The following LMNTD2 variants were observed in gnomAD, a reference collection of about 807,000 sequenced individuals.
The protein encoded by LMNTD2 is lamin tail domain-containing protein 2.
In LMNTD2, 83 loss-of-function variants were observed where a neutral mutation model predicts 70.1. The observed-to-expected ratio is 1.18, with a 90% CI of 0.99 to 1.42. The LOEUF (loss-of-function observed/expected upper bound fraction) is 1.42, where lower values mean the gene tolerates loss of function less well. Ranked by LOEUF, LMNTD2 falls within the 40% of genes most tolerant of loss-of-function variation. The pLI, the probability that LMNTD2 is intolerant of heterozygous loss-of-function variation, is 0.00. For missense variants in LMNTD2, 1,153 were observed against 905.9 expected (o/e 1.27, Z -3.50); for synonymous variants, 534 against 406.1 (o/e 1.31, Z -3.79).
In LMNTD2 at chr11:558,970, G is replaced by A. The variant is rs775210406; in HGVS notation, c.44C>T (p.Ser15Leu). The change falls in exon 2 of 14, where the codon TCG becomes TTG. Residue 15 changes from serine to leucine, a missense_variant. Transcript: ENST00000329451. ...RPAGRRREQESVSGHLGPPAG... is the reference protein window; with the variant it reads ...RPAGRRREQELVSGHLGPPAG... ...TGGAGGTCCCAGGTGACCACTGACCGACTCTTGCTCTGTGGGGGACAGGAG... is the reference window on the plus strand; with the variant it reads ...TGGAGGTCCCAGGTGACCACTGACCAACTCTTGCTCTGTGGGGGACAGGAG... 8.1e-6 allele frequency: 13 copies of A among 1,601,232 alleles called. No individual in the cohort carries two copies. Among genetic ancestry groups the A allele is most frequent in the East Asian group, 4.5e-5 (2 of 44,880 alleles).
chr11:558,391 G>A, intron 3 of LMNTD2, 143 bp from the exon 4 acceptor site: 2 of 1,093,130 alleles, frequency 1.8e-6, no homozygotes, highest in East Asian at 2.6e-5. Flanking sequence ...GCTGGGGCTG[G>A]CCAGCCTCCG....
rs539502548 is a variant in LMNTD2, at chr11:557,935, G to A, written c.504C>T (p.Ala168=). The A allele has an allele frequency of 4.9e-5, 78 of 1,595,032 alleles. 1 individual carries two copies. In the East Asian group the frequency reaches 1.6e-3, roughly 33 times the overall value. Residue 168 remains alanine, a synonymous_variant, in exon 5 of 14, where the codon GCC becomes GCT. Transcript: ENST00000329451. ...GCATGCGGCCCACCCACGAGGAGCG[G>A]GCCAGCTGCAGGAGGCAGGACTTCT... ...NLQKSCLLQL[A]RSSWVGRMLR... is the part of the protein sequence containing the mutation.
At chr11:555,205 A>AGGGGCGGGGAGGAGAGCGGAGGGGC in intron 13 of LMNTD2, 94 bp from the exon 14 acceptor site, 3 of 438,266 alleles carry the variant, frequency 6.8e-6, no homozygotes, top group Non-Finnish European at 9.0e-6. Context: ...AGGAGAGCGG[A>AGGGGCGGGGAGGAGAGCGGAGGGGC]GGGGAGGGGA....
chr11:558,828 G>A (rs543359911), intron 2 of LMNTD2, 28 bp downstream of exon 2: 91 of 1,596,436 alleles, frequency 5.7e-5, no homozygotes, highest in Middle Eastern at 3.4e-4. Flanking sequence ...GGCCCAGGAG[G>A]CTCACCAGTC....
Position 557,115 on chromosome 11 carries a change from C to G in LMNTD2, c.714-18G>C, listed in dbSNP as rs763036858. ...GGGGCTGCCTGTGGACCACGCTCTG[C>G]TTGATGGCCACTCCAGCTCCAGACC... On this transcript the variant is annotated intron_variant, in intron 7 of 13. Coordinates refer to ENST00000329451, the MANE Select transcript of LMNTD2 (RefSeq NM_173573.3). 28 of 1,569,150 alleles carry G rather than the reference C, an allele frequency of 1.8e-5. No individual in the cohort carries two copies. The highest frequency in any genetic ancestry group is 2.3e-5 in the Non-Finnish European group (27 of 1,155,006).
In LMNTD2 at chr11:555,331, G is replaced by C. The variant is rs1589826293; in HGVS notation, c.1747C>G (p.Arg583Gly). 7.0e-7 allele frequency: 1 copy of C among 1,423,930 alleles called. No homozygotes were observed. Among genetic ancestry groups the C allele is most frequent in the Non-Finnish European group, 9.2e-7 (1 of 1,091,450 alleles). 88.2% of individuals were successfully genotyped at this position (1,423,930 alleles called of 1,614,324 possible). The change falls in exon 13 of 14, where the codon CGG becomes GGG. Residue 583 changes from arginine to glycine, a missense_variant. Physicochemically the swap from Arg to Gly is moderately radical, Grantham distance 125 (BLOSUM62 -2). Coordinates refer to ENST00000329451, the MANE Select transcript of LMNTD2 (RefSeq NM_173573.3). Reference sequence around the variant, plus strand: ...CGAACTCGGTGTTCTTTCTGGAGCCGACAGTCCTCCAGGCCCAGCCCGGCC... The same window carrying C: ...CGAACTCGGTGTTCTTTCTGGAGCCCACAGTCCTCCAGGCCCAGCCCGGCC... Reference protein sequence around the residue: ...AEAGLGLEDCRLQKEHRVRVC... With the variant: ...AEAGLGLEDCGLQKEHRVRVC...
chr11:557,992 G>A lies in LMNTD2; in HGVS notation c.447C>T (p.Leu149=), dbSNP rs1162799325. The change falls in exon 5 of 14, where the codon CTC becomes CTT. Residue 149 remains leucine, a synonymous_variant. Coordinates refer to ENST00000329451, the MANE Select transcript of LMNTD2 (RefSeq NM_173573.3). Reference sequence around the variant, plus strand: ...TCTGCAGCTCGGCCTCCATCTCCTGGAGCGTGCGGGTGGTCTGCAGCAGCC... The same window carrying A: ...TCTGCAGCTCGGCCTCCATCTCCTGAAGCGTGCGGGTGGTCTGCAGCAGCC... ...EERLLQTTRT[L]QEMEAELQNL... 2 of 1,597,708 alleles carry A rather than the reference G, an allele frequency of 1.3e-6. No individual in the cohort carries two copies. The highest frequency in any genetic ancestry group is 1.3e-5 in the African/African-American group (1 of 74,722).
Position 558,710 on chromosome 11 carries a change from TCTCG to T in LMNTD2, c.211_214del (p.Arg71AsnfsTer49). The T allele has an allele frequency of 6.2e-7, 1 of 1,606,614 alleles. No homozygotes were observed. Among genetic ancestry groups the T allele is most frequent in the Non-Finnish European group, 8.5e-7 (1 of 1,177,546 alleles). On this transcript the variant is annotated frameshift_variant, in exon 3 of 14. Coordinates refer to ENST00000329451, the MANE Select transcript of LMNTD2 (RefSeq NM_173573.3). LOFTEE classifies it high-confidence loss of function. ...CCACCGCAAGGCCTGGATCTCCAGT[TCTCG>T]CTGTCTCCACAGCAGCCGCAGTGTG...
rs1463534338 is a variant in LMNTD2 at position 558,920 on chromosome 11, T to A, written c.94A>T (p.Thr32Ser). The change falls in exon 2 of 14, where the codon ACT becomes TCT. Residue 32 changes from threonine (T) to serine (S), a missense_variant. Transcript: ENST00000329451. ...GTGGTGTCTGGCAGGCACGTGGGAG[T>A]CTCGGGGGCTGCAGGTGCGCCTGCT... ...PPAGAPAAPE[T>S]PTCLPDTTPH... The A allele has an allele frequency of 6.2e-7, 1 of 1,608,750 alleles. No homozygotes were observed. Among genetic ancestry groups the A allele is most frequent in the Non-Finnish European group, 8.5e-7 (1 of 1,179,554 alleles).
chr11:558,622 C>A lies in LMNTD2; in HGVS notation c.303G>T (p.Pro101=). 1 of 1,604,976 alleles carries A rather than the reference C, an allele frequency of 6.2e-7. No individual in the cohort carries two copies. The highest frequency in any genetic ancestry group is 1.1e-5 in the South Asian group (1 of 90,020). The change falls in exon 3 of 14, where the codon CCG becomes CCT. Residue 101 remains proline (P), a synonymous_variant. Coordinates refer to ENST00000329451, the MANE Select transcript of LMNTD2 (RefSeq NM_173573.3). ...CHILEEVAGL[P]PKRSSHSQEK... ...GGGACTGTGCTGCAGACCTCTTGGGCGGAAGCCCCGCCACCTCTTCCAGGA... is the reference window on the plus strand; with the variant it reads ...GGGACTGTGCTGCAGACCTCTTGGGAGGAAGCCCCGCCACCTCTTCCAGGA...
chr11:559,538 G>C (rs774873564), intron 1 of LMNTD2: 17 of 1,232,808 alleles, frequency 1.4e-5, no homozygotes, highest in Admixed American at 1.4e-4. Context: ...GCTCAGCTTA[G>C]CGGGGGGACC....
Position 558,765 on chromosome 11 carries a change from A to T in LMNTD2, c.160T>A (p.Leu54Met). The T allele has an allele frequency of 6.2e-7, 1 of 1,604,716 alleles. No individual in the cohort carries two copies. Among genetic ancestry groups the T allele is most frequent in the Non-Finnish European group, 8.5e-7 (1 of 1,174,134 alleles). Residue 54 changes from leucine (L) to methionine (M), a missense_variant and splice_region_variant, in exon 3 of 14, where the codon TTG (leucine) becomes ATG (methionine). Leu to Met is a conservative substitution (Grantham distance 15). Transcript: ENST00000329451. ...CGAGGGTCCAGGGACTCAAGAGCCA[A>T]CCTGCAGCGGCAGCAGACCCTGCTG... ...APVVCSADPQ[L>M]ALESLDPRTL...
chr11:555,823 G>C lies in LMNTD2; in HGVS notation c.1485C>G (p.Pro495=). The change falls in exon 12 of 14, where the codon CCC becomes CCG. Residue 495 remains proline (P), a synonymous_variant. Transcript: ENST00000329451. ...IDRFPLPEAG[P]GADTRKPPRP... The stretch of plus-strand genomic sequence containing the variant: ...GCGGCGGCTTGCGGGTGTCGGCGCC[G>C]GGCCCGGCCTCAGGGAGCGGGAAGC... The C allele has an allele frequency of 6.5e-7, 1 of 1,538,374 alleles. No homozygotes were observed. Among genetic ancestry groups the C allele is most frequent in the Non-Finnish European group, 8.7e-7 (1 of 1,152,464 alleles).
chr11:558,873 G>A lies in LMNTD2; in HGVS notation c.141C>T (p.Val47=), dbSNP rs778649544. 2 of 1,607,996 alleles carry A rather than the reference G, an allele frequency of 1.2e-6. No homozygotes were observed. Among genetic ancestry groups the A allele is most frequent in the African/African-American group, 2.7e-5 (2 of 74,810 alleles). The change falls in exon 2 of 14, where the codon GTC becomes GTT. Residue 47 remains valine (V), a synonymous_variant. Coordinates refer to ENST00000329451, the MANE Select transcript of LMNTD2 (RefSeq NM_173573.3). ...PDTTPHPAPV[V]CSADPQLALE... ...CTCCTTACTGCGGGTCGGCAGAGCA[G>A]ACCACCGGTGCGGGGTGGGGCGTGG...
chr11:559,136 C>G, intron 1 of LMNTD2, 157 bp from the exon 2 acceptor site: 1 of 1,470,460 alleles, frequency 6.8e-7, no homozygotes, highest in Non-Finnish European at 9.0e-7. Flanking sequence ...CCAGGCGTCA[C>G]CACTTACTCA....
intron 8 of LMNTD2, 73 bp from the exon 9 acceptor site, chr11:556,661 A>C (rs1196634936): frequency 7.0e-7 from 1 of 1,422,686 alleles, no homozygotes; most frequent in African/African-American, 1.4e-5. Flanking sequence ...GTGAGGTCAG[A>C]ACAGGCCTGC....
chr11:555,509 G>A lies in LMNTD2; in HGVS notation c.1575-6C>T. The stretch of plus-strand genomic sequence containing the variant: ...GGGGCAGCAGGCCCCGCGTCCTGGT[G>A]GGGCGAGGGTCGTGAGGGCGGCGGC... On this transcript the variant is annotated splice_region_variant and splice_polypyrimidine_tract_variant and intron_variant, in intron 12 of 13. Transcript: ENST00000329451. The A allele has an allele frequency of 7.3e-7, 1 of 1,361,342 alleles. No individual in the cohort carries two copies. Among genetic ancestry groups the A allele is most frequent in the South Asian group, 1.9e-5 (1 of 52,924 alleles). The allele number at this position is 1,361,342 out of a possible 1,614,324, so 84.3% of individuals were successfully genotyped here. A position where few individuals can be genotyped will look rare whatever the true frequency, so the allele number is the denominator to read the frequency against.
At chr11:559,356 G>C (rs771146429) in intron 1 of LMNTD2, 86 of 1,344,796 alleles carry the variant, frequency 6.4e-5, no homozygotes, top group Non-Finnish European at 8.3e-5. Context: ...CCTGAGGCCC[G>C]ACCTCCAAGC....
intron 12 of LMNTD2, 35 bp from the exon 13 acceptor site, chr11:555,538 C>T (rs764306537): frequency 2.3e-6 from 3 of 1,332,686 alleles, no homozygotes; most frequent in East Asian, 3.1e-5. Flanking sequence ...CGGCGGCCGG[C>T]CCGGGAAAGG....
Sources: allele counts gnomAD v4.1 joint callset, GRCh38; gene constraint gnomAD v4.1.1; transcripts MANE v1.5; gene names NCBI Gene and HGNC (gene_info 2026-07-23, HGNC 2026-07-21).